The following KIF20B variants were observed in gnomAD, a reference collection of about 807,000 sequenced individuals.
KIF20B encodes the protein kinesin family member 20B, also known as kinesin-like protein KIF20B.
In KIF20B, 188 loss-of-function variants were observed where a neutral mutation model predicts 232.5. The observed-to-expected ratio is 0.81, with a 90% CI of 0.72 to 0.91. KIF20B has a LOEUF of 0.91. Among genes scored for constraint, KIF20B ranks in the 40% least tolerant of loss-of-function variants. The probability of loss-of-function intolerance (pLI) is 0.00; values close to 1 mark genes in which losing one functional copy is unlikely to be tolerated. For missense variants in KIF20B, 2,154 were observed against 2,055.9 expected (o/e 1.05, Z -0.92); for synonymous variants, 712 against 683.0 (o/e 1.04, Z -0.66).
intron 7 of KIF20B, 120 bp downstream of exon 7, chr10:89,714,203 G>C (rs1842890452): frequency 2.2e-6 from 1 of 453,418 alleles, no homozygotes; most frequent in Non-Finnish European, 3.6e-6. Flanking sequence ...TTTTTAGGCT[G>C]GGCGCGGTGG....
chr10:89,726,028 T>C (rs1843180195), intron 15 of KIF20B, among the ~76,000 whole-genome samples: 1 of 152,216 alleles, frequency 6.6e-6, no homozygotes, highest in African/African-American at 2.4e-5. Context: ...ATACCTGAAC[T>C]AGGTAATCAT....
chr10:89,739,963 C>G (rs1256605509), intron 21 of KIF20B, among the ~76,000 whole-genome samples: 1 of 152,050 alleles, frequency 6.6e-6, no homozygotes, highest in Non-Finnish European at 1.5e-5. Flanking sequence ...TATTTAGTCT[C>G]TTGTTGATGA....
intron 13 of KIF20B, among the ~76,000 whole-genome samples, chr10:89,720,563 A>G (rs1843031526): frequency 6.6e-6 from 1 of 152,216 alleles, no homozygotes; most frequent in Non-Finnish European, 1.5e-5. Flanking sequence ...TGCAGTCTCA[A>G]GTACAAGTGT....
chr10:89,736,842 A>G (rs758841549), intron 19 of KIF20B, among the ~76,000 whole-genome samples: 9 of 152,104 alleles, frequency 5.9e-5, no homozygotes, highest in Non-Finnish European at 1.3e-4. Context: ...CAGTTTATTA[A>G]TGGTTACAGC....
chr10:89,726,509 AAGAG>A lies in KIF20B; in HGVS notation c.2222_2225del (p.Arg741LysfsTer7), dbSNP rs1390966411. The A allele has an allele frequency of 4.4e-6, 7 of 1,589,742 alleles. No homozygotes were observed. The highest frequency in any genetic ancestry group is 6.0e-6 in the Non-Finnish European group (7 of 1,167,226). On this transcript the variant is annotated frameshift_variant, in exon 16 of 33. Transcript: ENST00000371728. LOFTEE classifies it high-confidence loss of function. ...AATCAAAACCAAAGAAGAGTTAAAAAAGAGAGAAAATGGTAAGTGGATACATTTT... is the reference window on the plus strand; with the variant it reads ...AATCAAAACCAAAGAAGAGTTAAAAAAGAAAATGGTAAGTGGATACATTTT...
Position 89,705,373 on chromosome 10 carries a change from G to T in KIF20B, c.79G>T (p.Glu27Ter). The change falls in exon 2 of 33, where the codon GAA becomes TAA. Residue 27 changes from glutamate to a stop codon, truncating the protein, a stop_gained. Coordinates refer to ENST00000371728, the MANE Select transcript of KIF20B (RefSeq NM_001284259.2). LOFTEE classifies it high-confidence loss of function. ...FSADPIARPS[E>*]INFDGIKLDL... ...TGCTGACCCAATTGCAAGGCCTTCA[G>T]AAATAAATTTCGATGGCATTAAGCT... is the stretch of plus-strand genomic sequence containing the variant. 6.2e-7 allele frequency: 1 copy of T among 1,613,986 alleles called. No individual in the cohort carries two copies. Among genetic ancestry groups the T allele is most frequent in the Non-Finnish European group, 8.5e-7 (1 of 1,179,902 alleles).
chr10:89,748,532 C>T (rs565346474), intron 23 of KIF20B, among the ~76,000 whole-genome samples: 4 of 152,160 alleles, frequency 2.6e-5, no homozygotes, highest in Non-Finnish European at 5.9e-5. Context: ...ACTTATTTAG[C>T]TGACTTATAC....
At chr10:89,716,019 A>G (rs575070207) in intron 8 of KIF20B, among the ~76,000 whole-genome samples, 10 of 152,162 alleles carry the variant, frequency 6.6e-5, no homozygotes, top group Admixed American at 1.3e-4. Context: ...AAATAAATAA[A>G]TAAAAATTAA....
chr10:89,705,703 C>T (rs541600728), intron 2 of KIF20B, among the ~76,000 whole-genome samples: 1 of 152,140 alleles, frequency 6.6e-6, no homozygotes, highest in Non-Finnish European at 1.5e-5. Flanking sequence ...TTACTACATC[C>T]GTTGTGGCAC....
At chr10:89,766,084 T>C (rs1318584551) in intron 29 of KIF20B, among the ~76,000 whole-genome samples, 1 of 152,186 alleles carries the variant, frequency 6.6e-6, no homozygotes, top group Admixed American at 6.6e-5. Context: ...CTGGATAATA[T>C]CCTGCAGAAT....
At chr10:89,755,908 G>C (rs1275904645) in intron 26 of KIF20B, among the ~76,000 whole-genome samples, 1 of 152,130 alleles carries the variant, frequency 6.6e-6, no homozygotes, top group Non-Finnish European at 1.5e-5. Flanking sequence ...GGCCTGAAAT[G>C]TTAATTTTCA....
At chr10:89,742,182 T>C (rs756739699) in intron 21 of KIF20B, among the ~76,000 whole-genome samples, 6 of 152,198 alleles carry the variant, frequency 3.9e-5, no homozygotes, top group Non-Finnish European at 7.3e-5. Flanking sequence ...GCAAAAGTTA[T>C]GGCCACAATT....
Position 89,709,253 on chromosome 10 carries a change from G to T in KIF20B, c.234G>T (p.Glu78Asp). 1 of 1,604,178 alleles carries T rather than the reference G, an allele frequency of 6.2e-7. No homozygotes were observed. The highest frequency in any genetic ancestry group is 8.5e-7 in the Non-Finnish European group (1 of 1,173,576). The change falls in exon 3 of 33, where the codon GAG becomes GAT. Residue 78 changes from glutamate to aspartate, a missense_variant and splice_region_variant. Coordinates refer to ENST00000371728, the MANE Select transcript of KIF20B (RefSeq NM_001284259.2). Reference protein sequence around the residue: ...FTQSEKELESEGCVHILDSQT... With the variant: ...FTQSEKELESDGCVHILDSQT... Reference sequence around the variant, plus strand: ...AGTCAGAAAAAGAACTTGAGTCTGAGGTTTGTGTTGAATTTAATAGAATTT... The same window carrying T: ...AGTCAGAAAAAGAACTTGAGTCTGATGTTTGTGTTGAATTTAATAGAATTT...
chr10:89,722,836 A>G (rs1843096000), intron 13 of KIF20B, among the ~76,000 whole-genome samples: 1 of 152,168 alleles, frequency 6.6e-6, no homozygotes, highest in African/African-American at 2.4e-5. Flanking sequence ...AAATCTAAAT[A>G]TAAAGATCTC....
At chr10:89,743,388 A>G (rs1470402977) in intron 21 of KIF20B, among the ~76,000 whole-genome samples, 1 of 152,150 alleles carries the variant, frequency 6.6e-6, no homozygotes, top group Non-Finnish European at 1.5e-5. Flanking sequence ...CCTGCATGTC[A>G]TTATTAGCTT....
chr10:89,740,392 T>G (rs1182615326), intron 21 of KIF20B, among the ~76,000 whole-genome samples: 1 of 152,152 alleles, frequency 6.6e-6, no homozygotes, highest in Non-Finnish European at 1.5e-5. Flanking sequence ...TTCTGTGCCC[T>G]CTCTGGGTGT....
chr10:89,736,742 G>A (rs956312245), intron 19 of KIF20B, among the ~76,000 whole-genome samples: 1 of 152,010 alleles, frequency 6.6e-6, no homozygotes, highest in African/African-American at 2.4e-5. Flanking sequence ...GCACAGTGTC[G>A]TCAACCCATT....
At chr10:89,768,986 T>G (rs1299833127) in intron 31 of KIF20B, 98 bp downstream of exon 31, 2 of 995,950 alleles carry the variant, frequency 2.0e-6, no homozygotes, top group Non-Finnish European at 2.9e-6. Context: ...TCAGGGAATA[T>G]TATACTTCAA....
Position 89,743,928 on chromosome 10 carries a change from G to T in KIF20B, c.4035+1G>T, listed in dbSNP as rs778532159. 6.3e-7 allele frequency: 1 copy of T among 1,578,506 alleles called. No individual in the cohort carries two copies. Among genetic ancestry groups the T allele is most frequent in the South Asian group, 1.2e-5 (1 of 82,422 alleles). On this transcript the variant is annotated splice_donor_variant, in intron 22 of 32. Transcript: ENST00000371728. LOFTEE classifies it high-confidence loss of function. Reference sequence around the variant, plus strand: ...ACAGCGAACCATTCAGCAACTCAAGGTAAACAGTTTTGTTTTTAAAGATGA... The same window carrying T: ...ACAGCGAACCATTCAGCAACTCAAGTTAAACAGTTTTGTTTTTAAAGATGA...
Sources: gnomAD v4.1 joint callset for allele counts (sites outside exome capture counted in the v4.1 genomes callset) on GRCh38, gnomAD v4.1.1 for gene constraint, MANE v1.5 for transcripts, NCBI Gene and HGNC (gene_info 2026-07-23, HGNC 2026-07-21) for gene names.